NEGR1: variants seen among roughly 807,000 people sequenced by gnomAD.
NEGR1 encodes neuronal growth regulator 1.
In NEGR1, 10 loss-of-function variants were observed where a neutral mutation model predicts 40.9. The observed-to-expected ratio is 0.24, with a 90% CI of 0.15 to 0.42. The LOEUF is 0.42. Among genes scored for constraint, NEGR1 ranks in the 10% least tolerant of loss-of-function variants. The pLI is 1.00. For synonymous variants in NEGR1, 185 were observed against 166.8 expected (o/e 1.11, Z -0.84); for missense variants, 352 against 438.9 (o/e 0.80, Z 1.77).
At chr1:71,562,842 T>C (rs1314688273) in intron 6 of NEGR1, among the ~76,000 whole-genome samples, 1 of 151,966 alleles carries the variant, frequency 6.6e-6, no homozygotes, top group African/African-American at 2.4e-5. Flanking sequence ...GTTCCATGTG[T>C]CTTCCTCATT....
chr1:72,133,852 A>C (rs1241873118), intron 1 of NEGR1, among the ~76,000 whole-genome samples: 1 of 151,828 alleles, frequency 6.6e-6, no homozygotes, highest in Non-Finnish European at 1.5e-5. Flanking sequence ...ATTTCATATG[A>C]ATATTTTAAT....
intron 3 of NEGR1, among the ~76,000 whole-genome samples, chr1:71,734,543 T>A (rs1570273767): frequency 6.6e-6 from 1 of 152,154 alleles, no homozygotes; most frequent in East Asian, 1.9e-4. Context: ...TAATAACTCT[T>A]CCACAATGGC....
chr1:71,597,472 C>CTCTCTCTCTCTGTGTGTG (rs756076229), intron 5 of NEGR1, among the ~76,000 whole-genome samples: 5 of 31,334 alleles, frequency 1.6e-4, no homozygotes, highest in East Asian at 9.7e-4. Context: ...CTCTCTCTCT[C>CTCTCTCTCTCTGTGTGTG]TGTGTGTGTG....
intron 3 of NEGR1, among the ~76,000 whole-genome samples, chr1:71,713,636 C>A (rs1161082473): frequency 6.6e-6 from 1 of 152,012 alleles, no homozygotes; most frequent in Admixed American, 6.6e-5. Flanking sequence ...AGCTTTTGGA[C>A]CTTACTTTAT....
intron 1 of NEGR1, among the ~76,000 whole-genome samples, chr1:71,978,427 T>C (rs1028496404): frequency 4.6e-5 from 7 of 152,176 alleles, no homozygotes; most frequent in African/African-American, 1.7e-4. Flanking sequence ...TTTTCTACCC[T>C]GGACTTTGTG....
chr1:71,469,258 C>T (rs1046248856), intron 6 of NEGR1, among the ~76,000 whole-genome samples: 2 of 151,990 alleles, frequency 1.3e-5, no homozygotes, highest in African/African-American at 4.8e-5. Flanking sequence ...AGAGGGAAGG[C>T]ATTTATCTAA....
At chr1:72,136,763 A>G (rs1270846765) in intron 1 of NEGR1, among the ~76,000 whole-genome samples, 11 of 152,100 alleles carry the variant, frequency 7.2e-5, no homozygotes. Context: ...TAATTAAACT[A>G]AAGAGCTTCT....
intron 3 of NEGR1, among the ~76,000 whole-genome samples, chr1:71,753,172 A>G (rs1479336793): frequency 6.6e-6 from 1 of 152,190 alleles, no homozygotes; most frequent in Non-Finnish European, 1.5e-5. Flanking sequence ...GGTTTAACTA[A>G]GAAAATTAAT....
intron 4 of NEGR1, among the ~76,000 whole-genome samples, chr1:71,682,277 T>C (rs560739934): frequency 6.6e-6 from 1 of 152,306 alleles, no homozygotes; most frequent in Admixed American, 6.5e-5. Flanking sequence ...TGGAGTGGAA[T>C]TTTCATTCAA....
chr1:71,869,164 CCT>C (rs1436971899), intron 2 of NEGR1, among the ~76,000 whole-genome samples: 1 of 152,058 alleles, frequency 6.6e-6, no homozygotes, highest in Non-Finnish European at 1.5e-5. Context: ...ATACCAACTA[CCT>C]GGATTAAATC....
chr1:71,449,486 C>G (rs904286057), intron 6 of NEGR1, among the ~76,000 whole-genome samples: 5 of 152,128 alleles, frequency 3.3e-5, no homozygotes, highest in Admixed American at 2.6e-4. Context: ...GAAAACAGTC[C>G]TTGTTGGTAG....
chr1:71,750,049 A>C (rs1655517603), intron 3 of NEGR1, among the ~76,000 whole-genome samples: 1 of 147,180 alleles, frequency 6.8e-6, no homozygotes, highest in Non-Finnish European at 1.5e-5. Context: ...TGCGGACTGC[A>C]GTGGCGCAAT....
At chr1:71,872,348 A>G (rs1026857520) in intron 2 of NEGR1, among the ~76,000 whole-genome samples, 4 of 152,116 alleles carry the variant, frequency 2.6e-5, no homozygotes, top group African/African-American at 9.7e-5. Flanking sequence ...AGACTATTCT[A>G]GGAATTAAAG....
Position 71,437,285 on chromosome 1 carries a change from TG to T in NEGR1, c.941-29716del, listed in dbSNP as rs1276634734. 3.3e-5 allele frequency among the ~76,000 whole-genome samples: 5 copies of T among 152,044 alleles called. No homozygotes were observed. In the East Asian group the frequency reaches 9.7e-4, roughly 29 times the overall value. On this transcript the variant is annotated intron_variant, in intron 6 of 6. Transcript: ENST00000357731. ...GGTGGGATGAGAGGTTTTTAGGGAG[TG>T]ATAACTAAAGGGTAAAATGTTTCTT...
intron 6 of NEGR1, among the ~76,000 whole-genome samples, chr1:71,521,747 G>C (rs1647158644): frequency 6.6e-6 from 1 of 151,936 alleles, no homozygotes; most frequent in South Asian, 2.1e-4. Flanking sequence ...ATAATAGTCT[G>C]ATGAAATATT....
intron 1 of NEGR1, among the ~76,000 whole-genome samples, chr1:72,156,908 T>C (rs906852751): frequency 2.0e-5 from 3 of 151,920 alleles, no homozygotes; most frequent in Non-Finnish European, 4.4e-5. Flanking sequence ...TTCTATTCTA[T>C]ATATTAATAA....
chr1:71,852,324 G>C (rs1659631689), intron 2 of NEGR1, among the ~76,000 whole-genome samples: 1 of 152,112 alleles, frequency 6.6e-6, no homozygotes. Context: ...TGTCAGAACT[G>C]TGTGAGAACA....
chr1:71,595,315 C>T (rs1464294041), intron 5 of NEGR1, among the ~76,000 whole-genome samples: 1 of 152,198 alleles, frequency 6.6e-6, no homozygotes, highest in East Asian at 1.9e-4. Flanking sequence ...ATTTTCTTCC[C>T]TCTGGGGAAA....
chr1:71,519,698 G>A (rs1302801169), intron 6 of NEGR1, among the ~76,000 whole-genome samples: 3 of 132,166 alleles, frequency 2.3e-5, no homozygotes, highest in Admixed American at 1.5e-4. Flanking sequence ...CCTGCACAAT[G>A]TGCACATGTA....
Sources: allele counts gnomAD v4.1 joint callset (sites outside exome capture counted in the v4.1 genomes callset), GRCh38; gene constraint gnomAD v4.1.1; transcripts MANE v1.5; gene names NCBI Gene and HGNC (gene_info 2026-07-23, HGNC 2026-07-21).